The following PIP4K2A variants were observed in gnomAD, a reference collection of about 807,000 sequenced individuals.
The protein encoded by PIP4K2A is phosphatidylinositol 5-phosphate 4-kinase type-2 alpha.
A neutral mutation model predicts 42.9 loss-of-function variants in PIP4K2A; 14 were observed. The ratio of observed to expected loss-of-function variants is 0.33; its 90% CI spans 0.22 to 0.51. The LOEUF (loss-of-function observed/expected upper bound fraction) is 0.51. Ranked by LOEUF, PIP4K2A falls within the 20% of genes least tolerant of loss-of-function variation. The pLI is 0.97. For missense variants in PIP4K2A, 434 were observed against 519.8 expected, an observed-to-expected ratio of 0.83 and a Z score of 1.61; for synonymous variants, 192 against 192.2, an observed-to-expected ratio of 1.00 and a Z score of 0.01.
At chr10:22,652,243 C>T (rs1462417485) in intron 1 of PIP4K2A, among the ~76,000 whole-genome samples, 1 of 152,040 alleles carries the variant, frequency 6.6e-6, no homozygotes, top group Non-Finnish European at 1.5e-5. Context: ...CTGCCTCAGT[C>T]TCCCGAGTAG....
intron 1 of PIP4K2A, among the ~76,000 whole-genome samples, chr10:22,679,212 T>C (rs184944392): frequency 1.3e-4 from 20 of 152,324 alleles, no homozygotes; most frequent in Admixed American, 3.3e-4. Flanking sequence ...ACAGAACTCT[T>C]ACAATTCAAT....
chr10:22,597,488 G>A (rs1837660391), intron 3 of PIP4K2A, among the ~76,000 whole-genome samples: 1 of 152,120 alleles, frequency 6.6e-6, no homozygotes, highest in Non-Finnish European at 1.5e-5. Flanking sequence ...ACTGGTTTCT[G>A]CCTTTAGAAG....
intron 6 of PIP4K2A, among the ~76,000 whole-genome samples, chr10:22,565,091 T>C (rs1401591803): frequency 1.3e-5 from 2 of 148,840 alleles, no homozygotes; most frequent in African/African-American, 4.9e-5. Context: ...TCCTGGCTCC[T>C]GTAAAAGGTG....
intron 7 of PIP4K2A, among the ~76,000 whole-genome samples, chr10:22,549,401 CCTCT>C (rs972541309): frequency 1.1e-4 from 17 of 151,340 alleles, no homozygotes; most frequent in South Asian, 1.0e-3. Context: ...TCCCACAAAG[CCTCT>C]CTCTAAGTAG....
At chr10:22,711,692 T>C (rs1257279590) in intron 1 of PIP4K2A, among the ~76,000 whole-genome samples, 1 of 152,226 alleles carries the variant, frequency 6.6e-6, no homozygotes, top group Non-Finnish European at 1.5e-5. Flanking sequence ...TACAACACCA[T>C]GCTTGTTTGT....
Position 22,714,569 on chromosome 10 carries a change from G to T in PIP4K2A, c.-243C>A, listed in dbSNP as rs1833976868. On this transcript the variant is annotated 5_prime_UTR_variant, in exon 1 of 10. It adds an upstream start codon to the 5' untranslated region. Coordinates refer to ENST00000376573, the MANE Select transcript of PIP4K2A (RefSeq NM_005028.5). ...TGCGCCCGCCGCGGATCCGCGCTCA[G>T]CCCGCGGCTGGACCCGGCGCGCGGC... 1 of 147,026 alleles carries T rather than the reference G, an allele frequency of 6.8e-6. No individual in the cohort carries two copies. Among genetic ancestry groups the T allele is most frequent in the South Asian group, 2.1e-4 (1 of 4,832 alleles). 9.1% of individuals were successfully genotyped at this position (147,026 alleles called of 1,614,324 possible).
intron 6 of PIP4K2A, among the ~76,000 whole-genome samples, chr10:22,562,319 C>T (rs549377054): frequency 6.6e-5 from 10 of 152,246 alleles, no homozygotes; most frequent in South Asian, 6.2e-4. Flanking sequence ...GAGGCCGAGG[C>T]GGGTGGATCA....
intron 7 of PIP4K2A, among the ~76,000 whole-genome samples, chr10:22,545,387 C>A (rs1836236234): frequency 6.6e-6 from 1 of 152,202 alleles, no homozygotes; most frequent in Non-Finnish European, 1.5e-5. Context: ...GATTAACTTG[C>A]CAAAGGGCAG....
chr10:22,630,237 G>A (rs1374139169), intron 1 of PIP4K2A, among the ~76,000 whole-genome samples: 1 of 151,550 alleles, frequency 6.6e-6, no homozygotes, highest in African/African-American at 2.4e-5. Flanking sequence ...TTGGAGGGCT[G>A]GGGTTTCATA....
chr10:22,575,032 G>A (rs777135209), intron 4 of PIP4K2A, among the ~76,000 whole-genome samples: 1 of 152,104 alleles, frequency 6.6e-6, no homozygotes, highest in Non-Finnish European at 1.5e-5. Context: ...CCATTTACGA[G>A]CTGTGAGATC....
In PIP4K2A at chr10:22,536,166, T is replaced by C. The variant is rs528294023; in HGVS notation, c.*1035A>G. The C allele has an allele frequency of 1.0e-5, 4 of 398,442 alleles. No homozygotes were observed. Among genetic ancestry groups the C allele is most frequent in the Non-Finnish European group, 1.8e-5 (4 of 226,040 alleles). 24.7% of individuals were successfully genotyped at this position (398,442 alleles called of 1,614,324 possible). A position where few individuals can be genotyped will look rare whatever the true frequency, so the allele number is the denominator to read the frequency against. On this transcript the variant is annotated 3_prime_UTR_variant, in exon 10 of 10. Transcript: ENST00000376573. ...TAACAAAATCCCATTGTTGAAACAA[T>C]GGTCAAACATAAACATCTTATAATT...
chr10:22,578,110 T>TTAA (rs1837166252), intron 4 of PIP4K2A, among the ~76,000 whole-genome samples: 1 of 152,232 alleles, frequency 6.6e-6, no homozygotes, highest in Non-Finnish European at 1.5e-5. Flanking sequence ...TGGTAAAATG[T>TTAA]TAATAATTGT....
chr10:22,541,505 G>A lies in PIP4K2A; in HGVS notation c.1036+299C>T, dbSNP rs117260283. Among the ~76,000 whole-genome samples, 6 of 152,358 alleles carry A rather than the reference G, an allele frequency of 3.9e-5. No individual in the cohort carries two copies. The South Asian group carries it at 8.3e-4, about 21-fold the overall frequency. On this transcript the variant is annotated intron_variant, in intron 8 of 9. Coordinates refer to ENST00000376573, the MANE Select transcript of PIP4K2A (RefSeq NM_005028.5). ...CATGTTGTGTTGTGTGTGCACGTAC[G>A]TTGTATGCCAGTGTGTATGTGCATA...
chr10:22,666,295 A>T (rs1322301529), intron 1 of PIP4K2A, among the ~76,000 whole-genome samples: 1 of 152,214 alleles, frequency 6.6e-6, no homozygotes, highest in Non-Finnish European at 1.5e-5. Context: ...TTTAAAGTAT[A>T]TTGTATAACT....
At chr10:22,591,432 T>C (rs932094622) in intron 4 of PIP4K2A, among the ~76,000 whole-genome samples, 197 bp downstream of exon 4, 2 of 152,228 alleles carry the variant, frequency 1.3e-5, no homozygotes, top group African/African-American at 2.4e-5. Context: ...GAATGACCTT[T>C]ATAGCACAAG....
At chr10:22,672,196 C>T (rs1839467036) in intron 1 of PIP4K2A, among the ~76,000 whole-genome samples, 2 of 151,716 alleles carry the variant, frequency 1.3e-5, no homozygotes, top group South Asian at 2.1e-4. Context: ...CATTTAATGC[C>T]GCTACATCAT....
intron 1 of PIP4K2A, chr10:22,691,915 T>C (rs1399880439): frequency 1.3e-5 from 2 of 152,216 alleles, no homozygotes; most frequent in Non-Finnish European, 1.5e-5. Context: ...TAGAAAACCA[T>C]CTTATAGACT....
chr10:22,685,641 AG>A (rs1839749827), intron 1 of PIP4K2A, among the ~76,000 whole-genome samples: 1 of 152,160 alleles, frequency 6.6e-6, no homozygotes, highest in African/African-American at 2.4e-5. Flanking sequence ...GGATCCCTTG[AG>A]CCCAGGAGAT....
At chr10:22,638,021 G>T (rs905214157) in intron 1 of PIP4K2A, among the ~76,000 whole-genome samples, 1 of 152,080 alleles carries the variant, frequency 6.6e-6, no homozygotes, top group African/African-American at 2.4e-5. Flanking sequence ...GCCGCAATTC[G>T]ATCGGCTAAT....
Sources: allele counts gnomAD v4.1 joint callset (sites outside exome capture counted in the v4.1 genomes callset), GRCh38; gene constraint gnomAD v4.1.1; transcripts MANE v1.5; gene names NCBI Gene and HGNC (gene_info 2026-07-23, HGNC 2026-07-21).